The following CCDC171 variants were observed in gnomAD, a reference collection of about 807,000 sequenced individuals.
CCDC171 encodes coiled-coil domain containing 171, also known as coiled-coil domain-containing protein 171.
CCDC171 carries 177 observed loss-of-function variants against 168.2 expected under a neutral mutation model. The ratio of observed to expected loss-of-function variants is 1.05; its 90% CI spans 0.93 to 1.19. The LOEUF (loss-of-function observed/expected upper bound fraction) is 1.19. CCDC171 is among the 50% of genes most tolerant of loss of function. The probability of loss-of-function intolerance (pLI) is 0.00; values close to 1 mark genes in which losing one functional copy is unlikely to be tolerated. For synonymous variants in CCDC171, 687 were observed against 540.8 expected (o/e 1.27, Z -3.75); for missense variants, 1,991 against 1,539.0 (o/e 1.29, Z -4.91).
At chr9:15,949,062 C>T (rs528234561) in intron 25 of CCDC171, among the ~76,000 whole-genome samples, 69 of 152,056 alleles carry the variant, frequency 4.5e-4, no homozygotes, top group African/African-American at 1.1e-3. Context: ...TTTCCCAGCA[C>T]CATTTATTAA....
chr9:15,982,677 C>T (rs1041652114), intron 3 of CCDC171, among the ~76,000 whole-genome samples: 6 of 152,092 alleles, frequency 3.9e-5, no homozygotes, highest in African/African-American at 9.7e-5. Context: ...TGCTTCCTTC[C>T]CTTCCTTCTA....
intron 25 of CCDC171, among the ~76,000 whole-genome samples, chr9:15,922,605 A>G (rs185621997): frequency 5.5e-4 from 84 of 151,732 alleles, no homozygotes; most frequent in African/African-American, 1.9e-3. Flanking sequence ...GGATTGCTGG[A>G]TCACATGATA....
At chr9:15,959,375 A>C (rs955901890) in intron 25 of CCDC171, among the ~76,000 whole-genome samples, 12 of 152,266 alleles carry the variant, frequency 7.9e-5, no homozygotes, top group African/African-American at 2.6e-4. Context: ...AGTTTCATCT[A>C]TCCTATTTTT....
rs570263305 is a variant in CCDC171 at position 15,700,351 on chromosome 9, G to A, written c.1318+5014G>A. ...CTGCTCTGAGTGTGGGGCCCGCCAA[G>A]CCCACGCCCACCCGGAACTCCAGCT... On this transcript the variant is annotated intron_variant, in intron 11 of 25. Coordinates refer to ENST00000380701, the MANE Select transcript of CCDC171 (RefSeq NM_173550.4). 2.0e-5 allele frequency among the ~76,000 whole-genome samples: 3 copies of A among 152,352 alleles called. No individual in the cohort carries two copies. The South Asian group carries it at 6.2e-4, about 32-fold the overall frequency.
At chr9:15,877,989 T>G (rs1045871167) in intron 24 of CCDC171, among the ~76,000 whole-genome samples, 8 of 152,100 alleles carry the variant, frequency 5.3e-5, no homozygotes, top group African/African-American at 1.9e-4. Context: ...CCAAGATGGA[T>G]AAAAGACTTA....
intron 25 of CCDC171, among the ~76,000 whole-genome samples, chr9:15,967,272 A>G (rs185043327): frequency 2.0e-5 from 3 of 152,188 alleles, no homozygotes; most frequent in African/African-American, 7.2e-5. Context: ...TGATTTCTTC[A>G]TCTGTTTATG....
intron 25 of CCDC171, among the ~76,000 whole-genome samples, chr9:15,931,149 G>C (rs988968189): frequency 6.6e-6 from 1 of 151,612 alleles, no homozygotes; most frequent in African/African-American, 2.4e-5. Flanking sequence ...TTAACATTTT[G>C]AGGAAACTCC....
downstream of CCDC171, among the ~76,000 whole-genome samples, chr9:15,974,829 T>A (rs1243598893): frequency 6.6e-6 from 1 of 152,220 alleles, no homozygotes; most frequent in African/African-American, 2.4e-5. Context: ...TATTATTGAA[T>A]GTTTAATGAG....
At chr9:15,956,495 C>T (rs930499159) in intron 25 of CCDC171, among the ~76,000 whole-genome samples, 3 of 151,990 alleles carry the variant, frequency 2.0e-5, no homozygotes, top group African/African-American at 7.3e-5. Flanking sequence ...TGTAGGTTTC[C>T]GAAGGCAGCG....
chr9:15,939,777 G>A (rs72708894), intron 25 of CCDC171, among the ~76,000 whole-genome samples: 2,367 of 151,744 alleles, frequency 0.016, 28 homozygotes, highest in Non-Finnish European at 0.023. Context: ...ATTTGGAAGC[G>A]GTAGTCCACC....
At chr9:15,691,581 A>G (rs1363247210) in intron 10 of CCDC171, among the ~76,000 whole-genome samples, 1 of 67,216 alleles carries the variant, frequency 1.5e-5, no homozygotes, top group Admixed American at 1.4e-4. Flanking sequence ...TGTACACATA[A>G]ACTTGGTGCT....
chr9:15,557,148 G>A (rs1300074622), intron 1 of CCDC171, among the ~76,000 whole-genome samples: 1 of 152,126 alleles, frequency 6.6e-6, no homozygotes, highest in East Asian at 1.9e-4. Flanking sequence ...CTGTAGCCTT[G>A]TAGTATAGTT....
chr9:15,739,666 C>G (rs2054722461), intron 16 of CCDC171, among the ~76,000 whole-genome samples: 1 of 152,018 alleles, frequency 6.6e-6, no homozygotes, highest in African/African-American at 2.4e-5. Context: ...ATAGGTCTCA[C>G]AGTATCCACT....
chr9:15,635,879 A>C (rs56333848), intron 7 of CCDC171, among the ~76,000 whole-genome samples: 1 of 152,130 alleles, frequency 6.6e-6, no homozygotes, highest in Non-Finnish European at 1.5e-5. Context: ...TGTTTTGTAC[A>C]GTGGCAGCAT....
chr9:16,105,685 C>T, the CCDC171 span, among the ~76,000 whole-genome samples: 2 of 152,170 alleles, frequency 1.3e-5, no homozygotes, highest in East Asian at 3.9e-4. Flanking sequence ...GTGACTTTGA[C>T]TTCAAGTTTA....
chr9:15,971,166 A>G (rs2987014), intron 25 of CCDC171, among the ~76,000 whole-genome samples: 74,416 of 151,914 alleles, frequency 0.49, 18,701 homozygotes, highest in African/African-American at 0.6. Context: ...AAATGGATAG[A>G]TTTAAAAAAC....
chr9:15,763,389 C>T (rs1056640187), intron 18 of CCDC171, among the ~76,000 whole-genome samples: 28 of 152,240 alleles, frequency 1.8e-4, no homozygotes, highest in African/African-American at 6.3e-4. Flanking sequence ...TCTTCTTGAA[C>T]ATTGGGGTGA....
chr9:16,063,045 AC>A (rs1032688322), downstream of CCDC171, among the ~76,000 whole-genome samples: 2 of 152,304 alleles, frequency 1.3e-5, no homozygotes, highest in African/African-American at 4.8e-5. Context: ...TGTTACCGAC[AC>A]CTGGTACCAC....
At chr9:15,574,981 A>C (rs539903435) in intron 3 of CCDC171, among the ~76,000 whole-genome samples, 1 of 152,204 alleles carries the variant, frequency 6.6e-6, no homozygotes, top group Admixed American at 6.5e-5. Context: ...GGTGATTGGG[A>C]TGGGAAAATA....
Sources: gnomAD v4.1 joint callset for allele counts (sites outside exome capture counted in the v4.1 genomes callset) on GRCh38, gnomAD v4.1.1 for gene constraint, MANE v1.5 for transcripts, NCBI Gene and HGNC (gene_info 2026-07-23, HGNC 2026-07-21) for gene names.